Variants in DNAH7 observed in about 807,000 individuals in gnomAD.
The protein encoded by DNAH7 is axonemal beta dynein heavy chain 7.
A neutral mutation model predicts 444.6 loss-of-function variants in DNAH7; 397 were observed. The observed-to-expected ratio is 0.89, with a 90% CI of 0.82 to 0.97. DNAH7 has a LOEUF of 0.97. DNAH7 is among the 50% of genes least tolerant of loss of function. The probability of loss-of-function intolerance (pLI) is 0.00; values close to 1 mark genes in which losing one functional copy is unlikely to be tolerated. For missense variants in DNAH7, 4,902 were observed against 4,800.8 expected (o/e 1.02, Z -0.62); for synonymous variants, 1,636 against 1,624.4 (o/e 1.01, Z -0.17).
chr2:195,960,200 A>G, intron 18 of DNAH7, 60 bp downstream of exon 18: 1 of 1,378,824 alleles, frequency 7.3e-7, no homozygotes, highest in Non-Finnish European at 9.8e-7. Context: ...AGAACTTTAC[A>G]TTAAACACAA....
intron 24 of DNAH7, among the ~76,000 whole-genome samples, chr2:195,920,700 A>G (rs1687968861): frequency 6.6e-6 from 1 of 152,232 alleles, no homozygotes; most frequent in Non-Finnish European, 1.5e-5. Flanking sequence ...AAATGCAACA[A>G]AAACAAAGAT....
chr2:195,850,640 C>T (rs948901612), intron 46 of DNAH7, among the ~76,000 whole-genome samples: 3 of 152,088 alleles, frequency 2.0e-5, no homozygotes, highest in African/African-American at 7.2e-5. Flanking sequence ...AGGGGAAATG[C>T]AGCTATTTAT....
In DNAH7 at chr2:195,858,675, C is replaced by T. The variant is rs750264503; in HGVS notation, c.7866G>A (p.Glu2622=). The change falls in exon 43 of 65, where the codon GAG becomes GAA. Residue 2622 remains glutamate, a synonymous_variant. Transcript: ENST00000312428. ...LHPQLKVASK[E]VDEMMIMIEK... ...CAATCATTATCATCATTTCATCAAC[C>T]TCTTTGCTAGCAACTTTTAATTGAG... is the stretch of plus-strand genomic sequence containing the variant. 6.2e-7 allele frequency: 1 copy of T among 1,613,902 alleles called. No homozygotes were observed. Among genetic ancestry groups the T allele is most frequent in the Non-Finnish European group, 8.5e-7 (1 of 1,179,958 alleles).
At chr2:195,971,776 C>G (rs575975535) in intron 16 of DNAH7, among the ~76,000 whole-genome samples, 3 of 151,884 alleles carry the variant, frequency 2.0e-5, no homozygotes, top group East Asian at 3.9e-4. Context: ...CCCCCTCCCC[C>G]CCAAGAAAAA....
chr2:196,061,076 A>G (rs1698106883), intron 1 of DNAH7, among the ~76,000 whole-genome samples: 1 of 152,144 alleles, frequency 6.6e-6, no homozygotes, highest in South Asian at 2.1e-4. Context: ...GCATTACCCC[A>G]CATACTTATT....
chr2:196,003,811 TCAAA>T (rs553112225), intron 10 of DNAH7, among the ~76,000 whole-genome samples: 25 of 152,200 alleles, frequency 1.6e-4, no homozygotes, highest in Non-Finnish European at 5.9e-5. Context: ...TTATAATTAG[TCAAA>T]CAAAGATGAC....
intron 48 of DNAH7, 23 bp downstream of exon 48, chr2:195,834,183 A>G (rs766428278): frequency 1.9e-6 from 3 of 1,594,258 alleles, no homozygotes; most frequent in East Asian, 2.3e-5. Flanking sequence ...TCTGTAATGT[A>G]TCTTAGTTAT....
chr2:195,937,300 A>G (rs1689120580), intron 19 of DNAH7, among the ~76,000 whole-genome samples: 2 of 152,174 alleles, frequency 1.3e-5, no homozygotes, highest in African/African-American at 4.8e-5. Flanking sequence ...AAGATCTTAC[A>G]TTGTAAACAA....
chr2:195,999,036 T>G (rs1693877871), intron 12 of DNAH7: 1 of 704,766 alleles, frequency 1.4e-6, no homozygotes, highest in African/African-American at 1.8e-5. Flanking sequence ...GCAAGGTGGA[T>G]GCATGGGAGG....
intron 56 of DNAH7, among the ~76,000 whole-genome samples, chr2:195,795,527 G>A (rs959119579): frequency 9.2e-5 from 14 of 152,212 alleles, no homozygotes; most frequent in Non-Finnish European, 1.5e-4. Flanking sequence ...AAAGTGTGCT[G>A]CACCAATAAA....
chr2:195,931,337 AGTAGGTTGCGAAAATTTTCTCCCATTCT>A (rs1688682307), intron 21 of DNAH7, among the ~76,000 whole-genome samples: 1 of 151,950 alleles, frequency 6.6e-6, no homozygotes, highest in African/African-American at 2.4e-5. Flanking sequence ...TTGTCAGATG[AGTAGGTTGCGAAAATTTTCTCCCATTCT>A]GTAGGTTGCC....
At chr2:195,742,393 C>A (rs554097388) in intron 63 of DNAH7, among the ~76,000 whole-genome samples, 13 of 152,278 alleles carry the variant, frequency 8.5e-5, no homozygotes, top group African/African-American at 3.1e-4. Context: ...TGCCTCTAAC[C>A]AATCAGATTA....
rs201538951 is a variant in DNAH7 at position 195,852,915 on chromosome 2, C to CAGAGAG, written c.8781+422_8781+427dup. 2.3e-3 allele frequency among the ~76,000 whole-genome samples: 191 copies of CAGAGAG among 84,678 alleles called. 1 individual carries two copies. The highest frequency in any genetic ancestry group is 5.6e-3 in the African/African-American group (172 of 30,852). 55.6% of individuals were successfully genotyped at this position (84,678 alleles called of 152,430 possible). A position where few individuals can be genotyped will look rare whatever the true frequency, so the allele number is the denominator to read the frequency against. On this transcript the variant is annotated intron_variant, in intron 46 of 64. Transcript: ENST00000312428. ...GTACACACACACACACACACACACA[C>CAGAGAG]AGAGAGAGAGAGAGAGAGAGAGAGA...
intron 12 of DNAH7, 94 bp from the exon 13 acceptor site, chr2:195,988,323 G>A (rs1441720737): frequency 1.6e-5 from 18 of 1,135,038 alleles, no homozygotes; most frequent in Non-Finnish European, 1.9e-5. Context: ...AATGTTTCTT[G>A]TCTTTTTATT....
Position 195,993,439 on chromosome 2 carries a change from T to C in DNAH7, c.1354-5210A>G, listed in dbSNP as rs529814280. 3.5e-4 allele frequency among the ~76,000 whole-genome samples: 54 copies of C among 152,216 alleles called. 1 individual carries two copies. The highest frequency in any genetic ancestry group is 1.3e-3 in the African/African-American group (53 of 41,530). On this transcript the variant is annotated intron_variant, in intron 12 of 64. Transcript: ENST00000312428. ...GCAGCTAAAAAAAATACAAAAAGTC[T>C]AAAATAATCCACAAAGAACTAAGTA...
Position 195,778,713 on chromosome 2 carries a change from T to C in DNAH7, c.10879-728A>G, listed in dbSNP as rs917667402. Among the ~76,000 whole-genome samples, 10 of 50,188 alleles carry C rather than the reference T, an allele frequency of 2.0e-4. No individual in the cohort carries two copies. In the East Asian group the frequency reaches 0.027, roughly 133 times the overall value. 32.9% of individuals were successfully genotyped at this position (50,188 alleles called of 152,430 possible). A position where few individuals can be genotyped will look rare whatever the true frequency, so the allele number is the denominator to read the frequency against. ...ATACACATATATATATACACATATATATACACATATATATATACACATATA... is the reference window on the plus strand; with the variant it reads ...ATACACATATATATATACACATATACATACACATATATATATACACATATA... On this transcript the variant is annotated intron_variant, in intron 58 of 64. Coordinates refer to ENST00000312428, the MANE Select transcript of DNAH7 (RefSeq NM_018897.3).
chr2:196,051,130 C>G, intron 3 of DNAH7, 57 bp downstream of exon 3: 1 of 1,493,916 alleles, frequency 6.7e-7, no homozygotes, highest in Non-Finnish European at 9.3e-7. Context: ...AGTTAGAAAA[C>G]TAATAAACAT....
chr2:195,980,379 C>A (rs1692495195), intron 15 of DNAH7, among the ~76,000 whole-genome samples: 1 of 152,190 alleles, frequency 6.6e-6, no homozygotes. Context: ...GAGGCTTCCC[C>A]AGCCTTGCAG....
intron 46 of DNAH7, among the ~76,000 whole-genome samples, chr2:195,852,215 A>G (rs1470799970): frequency 2.6e-5 from 4 of 152,204 alleles, no homozygotes; most frequent in East Asian, 3.9e-4. Flanking sequence ...CCGAGATCGC[A>G]CCACTGCACT....
Sources: gnomAD v4.1 joint callset for allele counts (sites outside exome capture counted in the v4.1 genomes callset) on GRCh38, gnomAD v4.1.1 for gene constraint, MANE v1.5 for transcripts, NCBI Gene and HGNC (gene_info 2026-07-23, HGNC 2026-07-21) for gene names.